The following SULF1 variants were observed in gnomAD, a reference collection of about 807,000 sequenced individuals.
The protein encoded by SULF1 is sulfatase 1, also known as extracellular sulfatase Sulf-1.
SULF1 carries 46 observed loss-of-function variants against 110.5 expected under a neutral mutation model. That is an observed-to-expected ratio of 0.42 (90% CI 0.33 to 0.53). The LOEUF is 0.53. Among genes scored for constraint, SULF1 ranks in the 20% least tolerant of loss-of-function variants. The pLI is 0.12. For missense variants in SULF1, 941 were observed against 1,094.2 expected (o/e 0.86, Z 1.98); for synonymous variants, 371 against 387.1 (o/e 0.96, Z 0.49).
At chr8:69,563,486 T>A (rs1815655610) in intron 3 of SULF1, 53 bp from the exon 4 acceptor site, 1 of 155,390 alleles carries the variant, frequency 6.4e-6, no homozygotes. Context: ...CGAAAATCTG[T>A]TTTTAAAATC....
chr8:69,655,565 T>C (rs1263228033), intron 22 of SULF1, among the ~76,000 whole-genome samples: 1 of 152,158 alleles, frequency 6.6e-6, no homozygotes, highest in Non-Finnish European at 1.5e-5. Flanking sequence ...CTGTTTTGTG[T>C]TTTTTCTTTT....
rs1294668292 is a variant in SULF1, at chr8:69,562,608, T to A, written c.-133-931T>A. Reference sequence around the variant, plus strand: ...TTCCAAGAGAAAAGCTTTCAGCAGGTTAGTGTTCCAAAGTGAGAGGGGCAT... The same window carrying A: ...TTCCAAGAGAAAAGCTTTCAGCAGGATAGTGTTCCAAAGTGAGAGGGGCAT... On this transcript the variant is annotated intron_variant, in intron 3 of 22. Transcript: ENST00000402687. Among the ~76,000 whole-genome samples the A allele has an allele frequency of 1.3e-5, 2 of 152,114 alleles. 1 individual carries two copies. Among genetic ancestry groups the A allele is most frequent in the Admixed American group, 1.3e-4 (2 of 15,258 alleles).
chr8:69,473,238 A>C (rs1235387417), intron 1 of SULF1: 1 of 152,206 alleles, frequency 6.6e-6, no homozygotes, highest in African/African-American at 2.4e-5. Flanking sequence ...TGTTTACTAC[A>C]CAGGTACAAA....
At chr8:69,635,511 C>A (rs956939726) in intron 19 of SULF1, among the ~76,000 whole-genome samples, 3 of 152,176 alleles carry the variant, frequency 2.0e-5, no homozygotes, top group Non-Finnish European at 4.4e-5. Context: ...TAAAACATCT[C>A]TTTTAGCCTA....
At chr8:69,615,768 C>G (rs981063588) in intron 13 of SULF1, among the ~76,000 whole-genome samples, 2 of 152,046 alleles carry the variant, frequency 1.3e-5, no homozygotes, top group African/African-American at 4.8e-5. Flanking sequence ...CATAGGAAAC[C>G]AACAAAGAAT....
intron 3 of SULF1, 89 bp downstream of exon 3, chr8:69,502,057 G>A (rs970818852): frequency 3.9e-5 from 6 of 152,292 alleles, no homozygotes; most frequent in Admixed American, 2.6e-4. Flanking sequence ...CACGGTTGGG[G>A]AATTGTTAAG....
intron 3 of SULF1, among the ~76,000 whole-genome samples, chr8:69,549,063 T>C (rs1814504153): frequency 6.6e-6 from 1 of 152,160 alleles, no homozygotes; most frequent in South Asian, 2.1e-4. Flanking sequence ...GGTCAGCAGA[T>C]GTGCCAGATG....
intron 1 of SULF1, among the ~76,000 whole-genome samples, chr8:69,467,999 G>C (rs1345965850): frequency 6.6e-6 from 1 of 151,718 alleles, no homozygotes; most frequent in Non-Finnish European, 1.5e-5. Context: ...TAAAAAAAAG[G>C]CCTTTCAATT....
intron 1 of SULF1, among the ~76,000 whole-genome samples, chr8:69,481,032 TATA>T (rs1427620312): frequency 1.3e-5 from 2 of 152,016 alleles, no homozygotes; most frequent in Admixed American, 6.5e-5. Context: ...AAACTTAAAG[TATA>T]ATAATAATAA....
At chr8:69,508,745 T>C (rs1173389578) in intron 3 of SULF1, among the ~76,000 whole-genome samples, 1 of 152,208 alleles carries the variant, frequency 6.6e-6, no homozygotes, top group African/African-American at 2.4e-5. Flanking sequence ...ATTTATTACA[T>C]GAAGTATAAA....
chr8:69,530,808 G>A (rs2150640958), intron 3 of SULF1, among the ~76,000 whole-genome samples: 1 of 152,296 alleles, frequency 6.6e-6, no homozygotes, highest in East Asian at 1.9e-4. Context: ...CTTTCTATCT[G>A]GTTAGCCAAC....
At chr8:69,519,663 G>C (rs2150608492) in intron 3 of SULF1, among the ~76,000 whole-genome samples, 1 of 152,286 alleles carries the variant, frequency 6.6e-6, no homozygotes, top group Admixed American at 6.5e-5. Flanking sequence ...AGTCTATGAA[G>C]TTGACAAATA....
intron 22 of SULF1, among the ~76,000 whole-genome samples, chr8:69,647,802 G>A (rs561736356): frequency 6.6e-6 from 1 of 152,114 alleles, no homozygotes; most frequent in South Asian, 2.1e-4. Context: ...TGAGACAGGA[G>A]AATGGCTTGA....
chr8:69,601,784 G>T lies in SULF1; in HGVS notation c.1016G>T (p.Arg339Leu), dbSNP rs61747207. ...GKSMPYDFDI[R>L]VPFFIRGPSV... ...TCCATGCCATATGACTTTGATATTC[G>T]TGTGCCTTTTTTTATTCGTGGTCCA... The change falls in exon 10 of 23, where the codon CGT (arginine) becomes CTT (leucine). Residue 339 changes from arginine (R) to leucine (L), a missense_variant. Physicochemically the swap from Arg to Leu is moderately radical, Grantham distance 102. Coordinates refer to ENST00000402687, the MANE Select transcript of SULF1 (RefSeq NM_001128205.2). 1 of 1,611,232 alleles carries T rather than the reference G, an allele frequency of 6.2e-7. No individual in the cohort carries two copies. Among genetic ancestry groups the T allele is most frequent in the South Asian group, 1.1e-5 (1 of 90,298 alleles).
intron 8 of SULF1, among the ~76,000 whole-genome samples, chr8:69,590,869 A>G (rs1221862743): frequency 6.6e-6 from 1 of 152,222 alleles, no homozygotes; most frequent in Non-Finnish European, 1.5e-5. Flanking sequence ...TAGCTCACTT[A>G]CAAATTTAGT....
intron 22 of SULF1, among the ~76,000 whole-genome samples, chr8:69,648,092 A>G (rs766584682): frequency 2.0e-5 from 3 of 151,552 alleles, no homozygotes; most frequent in Non-Finnish European, 4.4e-5. Flanking sequence ...AAAATCACCC[A>G]AGATGAATAC....
intron 1 of SULF1, among the ~76,000 whole-genome samples, chr8:69,474,933 T>C (rs1343983592): frequency 2.0e-5 from 3 of 152,174 alleles, no homozygotes; most frequent in Non-Finnish European, 4.4e-5. Flanking sequence ...TGTTCCAAGA[T>C]GGCAAAAGAC....
rs1278973300 is a variant in SULF1, at chr8:69,554,994, AAAAAC to A, written c.-133-8540_-133-8536del. 1.9e-3 allele frequency among the ~76,000 whole-genome samples: 169 copies of A among 87,600 alleles called. 13 individuals are homozygous for A. The highest frequency in any genetic ancestry group is 8.5e-3 in the African/African-American group (145 of 17,140). The allele number at this position is 87,600 out of a possible 152,430, so 57.5% of individuals were successfully genotyped here. A position where few individuals can be genotyped will look rare whatever the true frequency, so the allele number is the denominator to read the frequency against. ...ATTCCATCTCAAAAAAAAAAAAAAA[AAAAAC>A]AAAAAAAAAAAACTTCATACATAAA... On this transcript the variant is annotated intron_variant, in intron 3 of 22. Transcript: ENST00000402687.
At chr8:69,551,493 G>T (rs1264433519) in intron 3 of SULF1, among the ~76,000 whole-genome samples, 2 of 152,214 alleles carry the variant, frequency 1.3e-5, no homozygotes, top group East Asian at 3.8e-4. Flanking sequence ...TTCAGTTGTT[G>T]ATGCCTAGGA....
Sources: allele counts gnomAD v4.1 joint callset (sites outside exome capture counted in the v4.1 genomes callset), GRCh38; gene constraint gnomAD v4.1.1; transcripts MANE v1.5; gene names NCBI Gene and HGNC (gene_info 2026-07-23, HGNC 2026-07-21).